Variants in F13A1 observed in about 807,000 individuals in gnomAD.
F13A1 encodes the protein coagulation factor XIII A chain, also known as FSF, A subunit.
F13A1 carries 47 observed loss-of-function variants against 80.1 expected under a neutral mutation model. That is an observed-to-expected ratio of 0.59 (90% CI 0.46 to 0.75). F13A1 has a LOEUF of 0.75. Among genes scored for constraint, F13A1 ranks in the 30% least tolerant of loss-of-function variants. The pLI is 0.00. For missense variants in F13A1, 817 were observed against 930.4 expected, an observed-to-expected ratio of 0.88 and a Z score of 1.59; for synonymous variants, 349 against 344.9, an observed-to-expected ratio of 1.01 and a Z score of -0.13.
At chr6:6,152,966 C>G (rs1358937544) in intron 13 of F13A1, among the ~76,000 whole-genome samples, 2 of 152,192 alleles carry the variant, frequency 1.3e-5, no homozygotes, top group Non-Finnish European at 2.9e-5. Context: ...CATAAAACGG[C>G]AAACATATTG....
At chr6:6,296,111 GT>G (rs1758322950) in intron 3 of F13A1, among the ~76,000 whole-genome samples, 1 of 150,524 alleles carries the variant, frequency 6.6e-6, no homozygotes, top group African/African-American at 2.5e-5. Flanking sequence ...CTATATCTCT[GT>G]TTTGGTACCA....
chr6:6,226,684 G>A (rs926700855), intron 6 of F13A1, among the ~76,000 whole-genome samples: 64 of 152,302 alleles, frequency 4.2e-4, no homozygotes, highest in African/African-American at 1.5e-3. Context: ...CCGTCTTTCT[G>A]AGTTTTACCA....
chr6:6,316,078 CATATATATATATATATATATATATAT>C (rs57716665), intron 2 of F13A1, among the ~76,000 whole-genome samples: 1,129 of 34,948 alleles, frequency 0.032, 62 homozygotes, highest in South Asian at 0.063. Context: ...TGTGTGTGTG[CATATATATATATATATATATATATAT>C]ATATATATAT....
At chr6:6,252,138 T>C (rs1757641236) in intron 4 of F13A1, among the ~76,000 whole-genome samples, 1 of 152,202 alleles carries the variant, frequency 6.6e-6, no homozygotes, top group South Asian at 2.1e-4. Flanking sequence ...TGGAAAGTTC[T>C]ACATAAAAAA....
rs141175669 is a variant in F13A1 at position 6,178,363 on chromosome 6, G to T, written c.1460-3496C>A. On this transcript the variant is annotated intron_variant, in intron 11 of 14. Coordinates refer to ENST00000264870, the MANE Select transcript of F13A1 (RefSeq NM_000129.4). ...ATTTTTAGGCTACAGAGCTGGAGGG[G>T]AGGGGATGCATTCGAGAACAATTTC... Among the ~76,000 whole-genome samples the T allele has an allele frequency of 2.5e-3, 383 of 152,298 alleles. 1 individual carries two copies. Among genetic ancestry groups the T allele is most frequent in the Admixed American group, 3.2e-3 (49 of 15,302 alleles).
intron 4 of F13A1, among the ~76,000 whole-genome samples, chr6:6,256,425 C>G (rs1310123648): frequency 6.6e-6 from 1 of 152,144 alleles, no homozygotes; most frequent in African/African-American, 2.4e-5. Flanking sequence ...ACACATGGCA[C>G]CATTGGTGAG....
Position 6,268,829 on chromosome 6 carries a change from C to T in F13A1, c.320-2020G>A, listed in dbSNP as rs1038474209. ...TCAGCCTCCCAAGTAGCTGGGATTA[C>T]AGGCACCCACCACCATGCCTGGCTA... On this transcript the variant is annotated intron_variant, in intron 3 of 14. Transcript: ENST00000264870. Among the ~76,000 whole-genome samples the T allele has an allele frequency of 4.6e-4, 70 of 151,780 alleles. 6 individuals carry two copies. The highest frequency in any genetic ancestry group is 2.2e-4 in the Non-Finnish European group (15 of 67,960).
At chr6:6,195,645 C>T (rs1235717078) in intron 10 of F13A1, 152 bp downstream of exon 10, 1 of 737,746 alleles carries the variant, frequency 1.4e-6, no homozygotes, top group Non-Finnish European at 2.4e-6. Flanking sequence ...GCATTAATAG[C>T]CTGGAAGTTG....
intron 4 of F13A1, among the ~76,000 whole-genome samples, chr6:6,260,811 C>A (rs918675716): frequency 6.6e-6 from 1 of 152,032 alleles, no homozygotes; most frequent in Non-Finnish European, 1.5e-5. Flanking sequence ...GAATTTGCTC[C>A]TGGGACAGAA....
intron 8 of F13A1, among the ~76,000 whole-genome samples, chr6:6,214,014 C>A (rs1237494878): frequency 1.6e-5 from 2 of 126,164 alleles, no homozygotes; most frequent in East Asian, 4.9e-4. Flanking sequence ...TACAGGAGCA[C>A]CCAGATTCAT....
chr6:6,163,377 T>C (rs1360621074), intron 13 of F13A1, among the ~76,000 whole-genome samples: 4 of 152,154 alleles, frequency 2.6e-5, no homozygotes, highest in African/African-American at 9.7e-5. Flanking sequence ...ATGTGCAGGT[T>C]TGTTATATAG....
intron 3 of F13A1, among the ~76,000 whole-genome samples, chr6:6,299,918 T>C (rs1045657763): frequency 2.0e-5 from 3 of 147,460 alleles, no homozygotes; most frequent in African/African-American, 5.4e-5. Context: ...GATGTACAGA[T>C]GGGTTTTTGG....
In F13A1 at chr6:6,292,571, C is replaced by A. The variant is rs75287851; in HGVS notation, c.319+12780G>T. ...CAAGCTATCTCAAATGAGAATCATC[C>A]ATGTCACTCCCACCCTGAAAACACC... On this transcript the variant is annotated intron_variant, in intron 3 of 14. Coordinates refer to ENST00000264870, the MANE Select transcript of F13A1 (RefSeq NM_000129.4). Among the ~76,000 whole-genome samples the A allele has an allele frequency of 1.7e-3, 259 of 152,304 alleles. 5 individuals carry two copies. The highest frequency in any genetic ancestry group is 6.0e-3 in the African/African-American group (250 of 41,570).
chr6:6,281,023 T>A (rs1379402660), intron 3 of F13A1, among the ~76,000 whole-genome samples: 1 of 152,170 alleles, frequency 6.6e-6, no homozygotes, highest in Non-Finnish European at 1.5e-5. Context: ...CAGCCTTCCC[T>A]GGCAGCACCT....
intron 3 of F13A1, among the ~76,000 whole-genome samples, chr6:6,302,854 G>A (rs948871438): frequency 6.6e-6 from 1 of 152,156 alleles, no homozygotes; most frequent in Non-Finnish European, 1.5e-5. Flanking sequence ...ACTGTACATG[G>A]TTCTTGCTTT....
chr6:6,280,652 T>C (rs1048226016), intron 3 of F13A1, among the ~76,000 whole-genome samples: 57 of 152,180 alleles, frequency 3.7e-4, no homozygotes, highest in African/African-American at 1.3e-3. Flanking sequence ...AGAAACCGTA[T>C]TGAGGTTGGA....
chr6:6,274,574 A>G (rs1376147773), intron 3 of F13A1, among the ~76,000 whole-genome samples: 3 of 152,230 alleles, frequency 2.0e-5, no homozygotes, highest in Non-Finnish European at 4.4e-5. Flanking sequence ...TTCAGAGAAA[A>G]TACGAACAGC....
chr6:6,147,018 A>C (rs1325553551), intron 14 of F13A1, among the ~76,000 whole-genome samples: 1 of 152,226 alleles, frequency 6.6e-6, no homozygotes, highest in Non-Finnish European at 1.5e-5. Flanking sequence ...CCTAGATGAA[A>C]CTGGAGACCA....
intron 3 of F13A1, among the ~76,000 whole-genome samples, chr6:6,276,709 G>C (rs1455180458): frequency 6.6e-6 from 1 of 152,128 alleles, no homozygotes; most frequent in Non-Finnish European, 1.5e-5. Context: ...CCCTCTCAGT[G>C]CATTTTCCAT....
Sources: gnomAD v4.1 joint callset for allele counts (sites outside exome capture counted in the v4.1 genomes callset) on GRCh38, gnomAD v4.1.1 for gene constraint, MANE v1.5 for transcripts, NCBI Gene and HGNC (gene_info 2026-07-23, HGNC 2026-07-21) for gene names.